Variants in PTPRB observed in about 807,000 individuals in gnomAD.
PTPRB encodes the protein receptor-type tyrosine-protein phosphatase beta.
A neutral mutation model predicts 238.1 loss-of-function variants in PTPRB; 97 were observed. The ratio of observed to expected loss-of-function variants is 0.41; its 90% confidence interval spans 0.35 to 0.48. PTPRB has a LOEUF of 0.48. Among genes scored for constraint, PTPRB ranks in the 20% least tolerant of loss-of-function variants. PTPRB has a pLI of 0.30. For synonymous variants in PTPRB, 970 were observed against 995.4 expected (o/e 0.97, Z 0.48); for missense variants, 2,292 against 2,681.9 (o/e 0.85, Z 3.21).
intron 33 of PTPRB, 135 bp downstream of exon 33, chr12:70,524,336 A>G: frequency 1.0e-6 from 1 of 995,166 alleles, no homozygotes; most frequent in Non-Finnish European, 1.4e-6. Context: ...GCTGGTTTCA[A>G]ACTCTTAGGC....
chr12:70,536,298 A>T, intron 28 of PTPRB, 139 bp from the exon 29 acceptor site: 1 of 998,444 alleles, frequency 1.0e-6, no homozygotes, highest in South Asian at 1.7e-5. Context: ...ACAAGTGTCA[A>T]TGCTTGGGAG....
At chr12:70,537,139 T>G (rs1396042009) in intron 28 of PTPRB, among the ~76,000 whole-genome samples, 2 of 151,798 alleles carry the variant, frequency 1.3e-5, no homozygotes, top group Non-Finnish European at 2.9e-5. Context: ...AAAAAAATAT[T>G]AGCCAGGCGT....
intron 15 of PTPRB, among the ~76,000 whole-genome samples, chr12:70,564,845 A>T (rs200497487): frequency 1.5e-3 from 6 of 3,932 alleles, no homozygotes; most frequent in African/African-American, 3.5e-3. Flanking sequence ...AAAATAATAA[A>T]TAATAATAAT....
chr12:70,539,285 C>T (rs1311396719), intron 26 of PTPRB: 6 of 541,256 alleles, frequency 1.1e-5, no homozygotes, highest in African/African-American at 3.8e-5. Context: ...CCAAAAGCTA[C>T]GTGCTTTTTG....
At chr12:70,529,419 C>T (rs796802784) in intron 32 of PTPRB, among the ~76,000 whole-genome samples, 4 of 152,222 alleles carry the variant, frequency 2.6e-5, no homozygotes, top group African/African-American at 9.6e-5. Flanking sequence ...AATACGATAA[C>T]CTCCTCTTTC....
intron 9 of PTPRB, chr12:70,584,944 C>A (rs1452760010): frequency 6.8e-6 from 1 of 147,308 alleles, no homozygotes; most frequent in Non-Finnish European, 1.5e-5. Context: ...ATAGTATATA[C>A]ATTGAAAAAA....
intron 32 of PTPRB, among the ~76,000 whole-genome samples, chr12:70,530,028 A>G (rs1273360920): frequency 6.6e-6 from 1 of 152,220 alleles, no homozygotes; most frequent in East Asian, 1.9e-4. Flanking sequence ...GAATGTGGGA[A>G]AATCTGCCGA....
At chr12:70,529,276 T>C (rs1321068514) in intron 32 of PTPRB, among the ~76,000 whole-genome samples, 4 of 152,292 alleles carry the variant, frequency 2.6e-5, no homozygotes, top group African/African-American at 9.6e-5. Flanking sequence ...GCCAGTGATA[T>C]TGACAGTAGA....
chr12:70,619,613 C>T (rs972217400), intron 3 of PTPRB, among the ~76,000 whole-genome samples: 1 of 152,058 alleles, frequency 6.6e-6, no homozygotes, highest in Non-Finnish European at 1.5e-5. Flanking sequence ...GCTGGTGTAG[C>T]CTACTGGCAG....
chr12:70,551,329 A>T (rs1315575934), intron 21 of PTPRB, among the ~76,000 whole-genome samples: 1 of 152,188 alleles, frequency 6.6e-6, no homozygotes, highest in Non-Finnish European at 1.5e-5. Flanking sequence ...ATGACTAAAA[A>T]GTTTGTGTTT....
intron 3 of PTPRB, among the ~76,000 whole-genome samples, chr12:70,620,370 G>C (rs1221727954): frequency 6.6e-6 from 1 of 152,116 alleles, no homozygotes; most frequent in Non-Finnish European, 1.5e-5. Context: ...GCTACCCCTT[G>C]GACTTCTCTC....
chr12:70,597,042 C>T (rs182729662), intron 4 of PTPRB, among the ~76,000 whole-genome samples: 27 of 152,038 alleles, frequency 1.8e-4, no homozygotes, highest in African/African-American at 5.8e-4. Context: ...CTCAGTTTCC[C>T]GAGTAGCTGG....
At chr12:70,609,928 C>A (rs904380695) in intron 3 of PTPRB, 4 of 966,886 alleles carry the variant, frequency 4.1e-6, no homozygotes, top group African/African-American at 1.7e-5. Context: ...GTGGGCGCAG[C>A]GCGCTTCCCT....
chr12:70,609,518 C>A (rs1884254766), intron 3 of PTPRB, among the ~76,000 whole-genome samples, 179 bp from the exon 4 acceptor site: 1 of 152,224 alleles, frequency 6.6e-6, no homozygotes. Flanking sequence ...TGGCAACTTT[C>A]TCCCTAGCTG....
chr12:70,596,128 A>T lies in PTPRB; in HGVS notation c.1179T>A (p.Ala393=). Residue 393 remains alanine (A), a synonymous_variant, in exon 5 of 34, where the codon GCT becomes GCA. Coordinates refer to ENST00000334414, the MANE Select transcript of PTPRB (RefSeq NM_001109754.4). Reference sequence around the variant, plus strand: ...TGATGGCAATATTGTATTTACTACCAGCAGTGAGATTGAAAAAAGTGTATT... The same window carrying T: ...TGATGGCAATATTGTATTTACTACCTGCAGTGAGATTGAAAAAAGTGTATT... ...WNEYTFFNLT[A]GSKYNIAITA... 6.2e-7 allele frequency: 1 copy of T among 1,613,618 alleles called. No individual in the cohort carries two copies. The highest frequency in any genetic ancestry group is 1.7e-4 in the Middle Eastern group (1 of 6,060).
At position 70,544,617 on chromosome 12, in the gene PTPRB, C is replaced by A; in HGVS notation, c.5434G>T (p.Glu1812Ter). ...TCTGAATAGAGTGGCTTTGTGAATT[C>A]CTTCAGGTCCTCATCAAAGAGCTGT... is the stretch of plus-strand genomic sequence containing the variant. Reference protein sequence around the residue: ...FTQLFDEDLKEFTKPLYSDTF... With the variant: ...FTQLFDEDLK The change falls in exon 22 of 34, where the codon GAA (glutamate) becomes TAA (stop). Residue 1812 changes from glutamate (E) to a stop codon, truncating the protein, a stop_gained. Transcript: ENST00000334414. LOFTEE classifies it high-confidence loss of function. 1 of 1,605,968 alleles carries A rather than the reference C, an allele frequency of 6.2e-7. No individual in the cohort carries two copies.
chr12:70,633,597 TACC>T (rs985766512), intron 2 of PTPRB, among the ~76,000 whole-genome samples: 16 of 152,344 alleles, frequency 1.1e-4, no homozygotes, highest in African/African-American at 3.4e-4. Context: ...GGTGTTTTTG[TACC>T]ACAATTGTGC....
At position 70,540,850 on chromosome 12, in the gene PTPRB, G is replaced by T. The variant is rs1565917797; in HGVS notation, c.5594+8C>A. Reference sequence around the variant, plus strand: ...GGGTCCAATCACCAAAAGGATCTTTGTACTTACCTCACTTTCTGTCTGCAG... The same window carrying T: ...GGGTCCAATCACCAAAAGGATCTTTTTACTTACCTCACTTTCTGTCTGCAG... On this transcript the variant is annotated splice_region_variant and intron_variant, in intron 23 of 33. Coordinates refer to ENST00000334414, the MANE Select transcript of PTPRB (RefSeq NM_001109754.4). 6.3e-7 allele frequency: 1 copy of T among 1,586,176 alleles called. No homozygotes were observed. Among genetic ancestry groups the T allele is most frequent in the South Asian group, 1.2e-5 (1 of 86,810 alleles).
At chr12:70,534,802 C>A in intron 30 of PTPRB, 31 bp downstream of exon 30, 1 of 1,611,110 alleles carries the variant, frequency 6.2e-7, no homozygotes, top group Admixed American at 1.7e-5. Context: ...TCTCCCCAAG[C>A]TCGGTTGTTA....
Sources: gnomAD v4.1 joint callset for allele counts (sites outside exome capture counted in the v4.1 genomes callset) on GRCh38, gnomAD v4.1.1 for gene constraint, MANE v1.5 for transcripts, NCBI Gene and HGNC (gene_info 2026-07-23, HGNC 2026-07-21) for gene names.